NAV3: variants seen among roughly 807,000 people sequenced by gnomAD.
NAV3 encodes pore membrane and/or filament interacting like protein 1.
A neutral mutation model predicts 244.7 loss-of-function variants in NAV3; 87 were observed. The ratio of observed to expected loss-of-function variants is 0.36; its 90% CI spans 0.30 to 0.42. The LOEUF (loss-of-function observed/expected upper bound fraction) is 0.42. Ranked by LOEUF, NAV3 falls within the 20% of genes least tolerant of loss-of-function variation. NAV3 has a pLI of 1.00. For synonymous variants in NAV3, 1,126 were observed against 1,042.2 expected, an observed-to-expected ratio of 1.08 and a Z score of -1.55; for missense variants, 2,663 against 2,893.3, an observed-to-expected ratio of 0.92 and a Z score of 1.83.
At chr12:78,196,580 T>C (rs1959178114) in intron 34 of NAV3, among the ~76,000 whole-genome samples, 1 of 152,010 alleles carries the variant, frequency 6.6e-6, no homozygotes, top group African/African-American at 2.4e-5. Context: ...AAACTGGTTA[T>C]CATATTTAGA....
intron 2 of NAV3, among the ~76,000 whole-genome samples, chr12:77,700,736 T>C (rs1875523624): frequency 6.6e-6 from 1 of 151,936 alleles, no homozygotes; most frequent in Non-Finnish European, 1.5e-5. Context: ...TCTGTTCTTA[T>C]TGAGAGTTTT....
intron 1 of NAV3, among the ~76,000 whole-genome samples, chr12:77,890,765 T>C (rs1278063303): frequency 6.6e-6 from 1 of 152,218 alleles, no homozygotes; most frequent in Non-Finnish European, 1.5e-5. Flanking sequence ...AGTAGTTACT[T>C]CACAATAAGT....
chr12:77,748,121 G>T (rs548079310), intron 2 of NAV3, among the ~76,000 whole-genome samples: 5 of 152,272 alleles, frequency 3.3e-5, no homozygotes, highest in Admixed American at 2.0e-4. Context: ...TATAACAATG[G>T]TATATATGTG....
At chr12:77,916,906 G>A (rs1410518068) in intron 1 of NAV3, among the ~76,000 whole-genome samples, 1 of 151,820 alleles carries the variant, frequency 6.6e-6, no homozygotes, top group East Asian at 1.9e-4. Flanking sequence ...ATAGAAGATA[G>A]AATTCAATAC....
intron 2 of NAV3, among the ~76,000 whole-genome samples, chr12:77,673,640 T>G (rs1295794413): frequency 6.6e-6 from 1 of 152,070 alleles, no homozygotes. Context: ...TTCCTGAACT[T>G]TTGTATGGTG....
chr12:78,031,511 A>G (rs1878979583), intron 9 of NAV3, among the ~76,000 whole-genome samples: 1 of 152,138 alleles, frequency 6.6e-6, no homozygotes, highest in South Asian at 2.1e-4. Flanking sequence ...AGGTTGTTAT[A>G]AGAGAAAATG....
chr12:77,657,301 A>C (rs1395233208), intron 2 of NAV3, among the ~76,000 whole-genome samples: 1 of 152,342 alleles, frequency 6.6e-6, no homozygotes, highest in South Asian at 2.1e-4. Context: ...CAGAAATACA[A>C]ACTACCATCA....
chr12:78,173,840 GA>G (rs1958108206), intron 24 of NAV3, among the ~76,000 whole-genome samples: 2 of 151,238 alleles, frequency 1.3e-5, no homozygotes, highest in African/African-American at 4.8e-5. Flanking sequence ...ATATGTATAT[GA>G]AGGTGAGGAT....
intron 34 of NAV3, among the ~76,000 whole-genome samples, 156 bp downstream of exon 34, chr12:78,190,375 GT>G (rs1958920559): frequency 6.6e-6 from 1 of 151,876 alleles, no homozygotes; most frequent in African/African-American, 2.4e-5. Context: ...ATCAAACTCT[GT>G]TTCATGAATT....
intron 22 of NAV3, among the ~76,000 whole-genome samples, chr12:78,157,067 T>C (rs1363353808): frequency 2.0e-5 from 3 of 152,062 alleles, no homozygotes; most frequent in African/African-American, 7.2e-5. Context: ...ACAGAAGTTA[T>C]GTAGAGGTTA....
intron 2 of NAV3, among the ~76,000 whole-genome samples, chr12:77,654,126 G>A (rs148005513): frequency 0.025 from 3,760 of 152,232 alleles, 42 homozygotes; most frequent in Middle Eastern, 0.068. Context: ...TGCACGCACC[G>A]TGCGTGAGCC....
intron 8 of NAV3, among the ~76,000 whole-genome samples, chr12:78,014,293 A>G (rs535568408): frequency 2.9e-4 from 44 of 152,236 alleles, no homozygotes; most frequent in African/African-American, 1.0e-3. Context: ...TTGGACATAA[A>G]GCAAACATGA....
At chr12:77,969,061 T>C (rs1489042284) in intron 5 of NAV3, among the ~76,000 whole-genome samples, 2 of 152,134 alleles carry the variant, frequency 1.3e-5, no homozygotes, top group South Asian at 2.1e-4. Flanking sequence ...CTTTCATTGA[T>C]ATTTTTGATT....
chr12:77,802,211 G>T (rs1871745093), intron 2 of NAV3, among the ~76,000 whole-genome samples: 1 of 152,030 alleles, frequency 6.6e-6, no homozygotes, highest in Non-Finnish European at 1.5e-5. Flanking sequence ...TTATATTTTG[G>T]TATATATTGT....
intron 24 of NAV3, among the ~76,000 whole-genome samples, chr12:78,174,736 C>T (rs1325186483): frequency 6.6e-6 from 1 of 151,958 alleles, no homozygotes; most frequent in Non-Finnish European, 1.5e-5. Flanking sequence ...ATCTGCCTTT[C>T]ATTGGCTGTT....
At chr12:77,981,752 C>G (rs1869605425) in intron 5 of NAV3, among the ~76,000 whole-genome samples, 1 of 151,864 alleles carries the variant, frequency 6.6e-6, no homozygotes, top group Non-Finnish European at 1.5e-5. Flanking sequence ...CAAGAAATGC[C>G]TTATTTTATA....
intron 36 of NAV3, 30 bp from the exon 37 acceptor site, chr12:78,199,305 A>C (rs1163879601): frequency 6.8e-7 from 1 of 1,480,122 alleles, no homozygotes; most frequent in Non-Finnish European, 9.2e-7. Flanking sequence ...TAATTTATAT[A>C]AAAATGTCTG....
At chr12:78,167,970 A>G (rs1447220652) in intron 23 of NAV3, among the ~76,000 whole-genome samples, 1 of 151,168 alleles carries the variant, frequency 6.6e-6, no homozygotes, top group African/African-American at 2.4e-5. Flanking sequence ...TTGTGCAAAT[A>G]TTTTTATTGG....
intron 38 of NAV3, 33 bp downstream of exon 38, chr12:78,200,624 T>TAAA: frequency 2.5e-6 from 3 of 1,178,332 alleles, no homozygotes; most frequent in Admixed American, 2.6e-5. Context: ...CTATTTTTTT[T>TAAA]TAAAAAAAAA....
Sources: gnomAD v4.1 joint callset for allele counts (sites outside exome capture counted in the v4.1 genomes callset) on GRCh38, gnomAD v4.1.1 for gene constraint, MANE v1.5 for transcripts, NCBI Gene and HGNC (gene_info 2026-07-23, HGNC 2026-07-21) for gene names.